The following DSE variants were observed in gnomAD, a reference collection of about 807,000 sequenced individuals.
The protein encoded by DSE is dermatan-sulfate epimerase.
DSE carries 36 observed loss-of-function variants against 84.4 expected under a neutral mutation model. The ratio of observed to expected loss-of-function variants is 0.43; its 90% confidence interval spans 0.33 to 0.56. The LOEUF (loss-of-function observed/expected upper bound fraction) is 0.56. Among genes scored for constraint, DSE ranks in the 20% least tolerant of loss-of-function variants. The pLI is 0.06. For missense variants in DSE, 862 were observed against 1,169.6 expected, an observed-to-expected ratio of 0.74 and a Z score of 3.84; for synonymous variants, 410 against 430.1, an observed-to-expected ratio of 0.95 and a Z score of 0.58.
At chr6:116,323,508 G>A (rs538051073) in intron 2 of DSE, among the ~76,000 whole-genome samples, 33 of 152,288 alleles carry the variant, frequency 2.2e-4, no homozygotes, top group African/African-American at 7.0e-4. Flanking sequence ...GTGCTATAGT[G>A]TGCTTTGTCT....
intron 2 of DSE, among the ~76,000 whole-genome samples, chr6:116,305,930 C>T (rs1775317243): frequency 6.6e-6 from 1 of 152,166 alleles, no homozygotes; most frequent in African/African-American, 2.4e-5. Flanking sequence ...GTGTGAGCCA[C>T]CGTGCCTGGC....
intron 1 of DSE, among the ~76,000 whole-genome samples, chr6:116,257,731 G>C (rs1016149789): frequency 1.3e-5 from 2 of 152,124 alleles, no homozygotes; most frequent in Non-Finnish European, 2.9e-5. Context: ...TCTCTCTGGG[G>C]TTTCTTTTAT....
chr6:116,340,337 C>T (rs921913267), intron 2 of DSE, among the ~76,000 whole-genome samples: 3 of 152,088 alleles, frequency 2.0e-5, no homozygotes, highest in African/African-American at 7.2e-5. Flanking sequence ...CTGTCAAGTT[C>T]ATTGATTCTT....
At chr6:116,422,432 GA>G (rs1451977400) in intron 2 of DSE, among the ~76,000 whole-genome samples, 2 of 152,148 alleles carry the variant, frequency 1.3e-5, no homozygotes, top group Non-Finnish European at 2.9e-5. Context: ...CCCAAATTGA[GA>G]TAACTATAAT....
intron 2 of DSE, among the ~76,000 whole-genome samples, chr6:116,287,222 A>G (rs1404838859): frequency 1.3e-5 from 2 of 152,122 alleles, no homozygotes; most frequent in African/African-American, 4.8e-5. Flanking sequence ...ACTTGATAGC[A>G]GAGAGGATAG....
chr6:116,375,721 G>C (rs1031473684), intron 1 of DSE, among the ~76,000 whole-genome samples: 1 of 152,170 alleles, frequency 6.6e-6, no homozygotes, highest in Non-Finnish European at 1.5e-5. Flanking sequence ...AAATTCATAT[G>C]CATTTAGAGA....
At chr6:116,411,964 C>T (rs546515751) in intron 2 of DSE, among the ~76,000 whole-genome samples, 3 of 152,300 alleles carry the variant, frequency 2.0e-5, no homozygotes, top group Admixed American at 2.0e-4. Context: ...GAAGTTAGCT[C>T]ACAAGTTTGG....
intron 2 of DSE, among the ~76,000 whole-genome samples, chr6:116,422,013 T>A (rs996442293): frequency 6.6e-6 from 1 of 152,224 alleles, no homozygotes; most frequent in Non-Finnish European, 1.5e-5. Flanking sequence ...TAAAAATTAA[T>A]TTCAGTATAG....
At chr6:116,271,742 T>C in intron 2 of DSE, among the ~76,000 whole-genome samples, 1 of 152,258 alleles carries the variant, frequency 6.6e-6, no homozygotes, top group Non-Finnish European at 1.5e-5. Flanking sequence ...CAGCAATTTT[T>C]ACCACCAAGG....
chr6:116,306,433 A>T (rs1775351760), intron 2 of DSE, among the ~76,000 whole-genome samples: 1 of 152,112 alleles, frequency 6.6e-6, no homozygotes, highest in South Asian at 2.1e-4. Context: ...ATCAGGTCTC[A>T]TCCTAATTTT....
intron 2 of DSE, among the ~76,000 whole-genome samples, chr6:116,282,898 C>A (rs1025187599): frequency 1.3e-5 from 2 of 151,988 alleles, no homozygotes; most frequent in Admixed American, 1.3e-4. Context: ...CAACATGCAC[C>A]AAGGCTCACG....
intron 2 of DSE, among the ~76,000 whole-genome samples, chr6:116,304,472 A>C (rs546392457): frequency 6.6e-6 from 1 of 152,332 alleles, no homozygotes; most frequent in African/African-American, 2.4e-5. Flanking sequence ...TATCAAACAC[A>C]TTAGTAGCCA....
At chr6:116,420,491 C>T (rs1010860166) in intron 2 of DSE, among the ~76,000 whole-genome samples, 1 of 152,194 alleles carries the variant, frequency 6.6e-6, no homozygotes, top group African/African-American at 2.4e-5. Context: ...CAGGTGAGCA[C>T]ACAGTAAGAT....
upstream of DSE, among the ~76,000 whole-genome samples, chr6:116,365,754 C>G (rs1779133444): frequency 6.6e-6 from 1 of 152,200 alleles, no homozygotes; most frequent in Non-Finnish European, 1.5e-5. Flanking sequence ...GTTTTGGGTT[C>G]TCCCAAGTGA....
At chr6:116,351,796 T>G (rs1180917006) in intron 2 of DSE, among the ~76,000 whole-genome samples, 3 of 152,210 alleles carry the variant, frequency 2.0e-5, no homozygotes, top group African/African-American at 7.2e-5. Flanking sequence ...GTATTCCAAT[T>G]CTAAACTCAG....
chr6:116,386,258 A>G (rs1160698669), intron 1 of DSE, among the ~76,000 whole-genome samples: 2 of 152,244 alleles, frequency 1.3e-5, no homozygotes, highest in Admixed American at 6.5e-5. Context: ...TATTATGGCA[A>G]GCTACTCATA....
chr6:116,281,346 C>T (rs1329204391), intron 2 of DSE, among the ~76,000 whole-genome samples: 1 of 152,148 alleles, frequency 6.6e-6, no homozygotes, highest in Non-Finnish European at 1.5e-5. Context: ...AACTCCAGCA[C>T]TATAAGAAAA....
chr6:116,291,261 G>A (rs958015131), intron 2 of DSE, among the ~76,000 whole-genome samples: 2 of 152,120 alleles, frequency 1.3e-5, no homozygotes, highest in African/African-American at 4.8e-5. Flanking sequence ...TCCAGCAAGA[G>A]AGATGTGGAC....
intron 2 of DSE, among the ~76,000 whole-genome samples, chr6:116,283,889 A>G (rs1773704062): frequency 6.6e-6 from 1 of 152,214 alleles, no homozygotes; most frequent in Non-Finnish European, 1.5e-5. Flanking sequence ...TGAATAAAAT[A>G]AACCTCAAAT....
Sources: gnomAD v4.1 joint callset for allele counts (sites outside exome capture counted in the v4.1 genomes callset) on GRCh38, gnomAD v4.1.1 for gene constraint, MANE v1.5 for transcripts, NCBI Gene and HGNC (gene_info 2026-07-23, HGNC 2026-07-21) for gene names.